NPAS2: variants seen among roughly 807,000 people sequenced by gnomAD.
The protein encoded by NPAS2 is neuronal PAS domain protein 2, also known as neuronal PAS domain-containing protein 2.
Under a neutral mutation model 107.5 loss-of-function variants are expected in NPAS2, and 23 were observed. That is an observed-to-expected ratio of 0.21 (90% CI 0.15 to 0.30). The LOEUF is 0.30. Among genes scored for constraint, NPAS2 ranks in the 10% least tolerant of loss-of-function variants. NPAS2 has a pLI of 1.00. For missense variants in NPAS2, 756 were observed against 1,043.3 expected, an observed-to-expected ratio of 0.72 and a Z score of 3.79; for synonymous variants, 403 against 417.5, an observed-to-expected ratio of 0.97 and a Z score of 0.42.
chr2:100,877,998 G>A (rs1241806902), intron 1 of NPAS2: 1 of 985,298 alleles, frequency 1.0e-6, no homozygotes, highest in East Asian at 1.1e-4. Context: ...GAATTTATCA[G>A]TTACGTGTGG....
At chr2:100,957,509 A>G (rs1350512749) in intron 7 of NPAS2, among the ~76,000 whole-genome samples, 2 of 152,232 alleles carry the variant, frequency 1.3e-5, no homozygotes, top group Non-Finnish European at 2.9e-5. Context: ...CAAATACACA[A>G]TTCCATCTCT....
At chr2:100,956,815 C>T (rs1675597416) in intron 7 of NPAS2, among the ~76,000 whole-genome samples, 1 of 152,174 alleles carries the variant, frequency 6.6e-6, no homozygotes. Flanking sequence ...CATGGCTACC[C>T]GGGATTTGTC....
intron 1 of NPAS2, among the ~76,000 whole-genome samples, chr2:100,882,474 AG>A (rs1159748523): frequency 1.3e-5 from 2 of 152,006 alleles, no homozygotes; most frequent in Non-Finnish European, 2.9e-5. Flanking sequence ...AGCCGGGCGT[AG>A]GTGGTGCATG....
Position 100,965,862 on chromosome 2 carries a change from T to G in NPAS2, c.907+96T>G. The G allele has an allele frequency of 1.3e-6, 1 of 761,686 alleles. No homozygotes were observed. The allele number at this position is 761,686 out of a possible 1,614,324, so 47.2% of individuals were successfully genotyped here. On this transcript the variant is annotated intron_variant, in intron 10 of 20. Transcript: ENST00000335681. The surrounding 1 kb of genome is among the most constrained non-coding windows in gnomAD (Gnocchi z 4.3). ...TGGGACTCCAGAAGCCTCTGCTCGT[T>G]ACCTGGTTTCTTTTTAAGGTGAGGA...
intron 4 of NPAS2, among the ~76,000 whole-genome samples, chr2:100,936,450 G>A (rs1005571990): frequency 3.9e-5 from 6 of 152,148 alleles, no homozygotes; most frequent in African/African-American, 1.4e-4. Context: ...GACAGTGACA[G>A]GTTTCCAGTA....
At chr2:100,975,726 G>A (rs1676946333) in intron 14 of NPAS2, 159 bp downstream of exon 14, 3 of 516,934 alleles carry the variant, frequency 5.8e-6, no homozygotes, top group Admixed American at 4.2e-5. Flanking sequence ...TAATTTAATT[G>A]GCAACTAATT....
chr2:100,918,959 A>G (rs1369377393), intron 2 of NPAS2, among the ~76,000 whole-genome samples: 1 of 152,252 alleles, frequency 6.6e-6, no homozygotes, highest in Non-Finnish European at 1.5e-5. Flanking sequence ...TAGTAGCTGT[A>G]TTCATAATTA....
intron 1 of NPAS2, among the ~76,000 whole-genome samples, chr2:100,883,147 C>G (rs867256807): frequency 1.7e-4 from 26 of 152,144 alleles, no homozygotes; most frequent in Admixed American, 9.8e-4. Context: ...GCAGATGACC[C>G]ACAAGTGTAG....
intron 1 of NPAS2, among the ~76,000 whole-genome samples, chr2:100,899,675 G>A (rs530989010): frequency 1.0e-3 from 159 of 152,144 alleles, no homozygotes; most frequent in Admixed American, 2.0e-3. Context: ...TTAAAAATGC[G>A]GTTTATTTTT....
intron 1 of NPAS2, among the ~76,000 whole-genome samples, chr2:100,903,909 G>T (rs757248019): frequency 2.0e-5 from 3 of 152,166 alleles, no homozygotes; most frequent in Non-Finnish European, 4.4e-5. Flanking sequence ...CCAGGCCTGC[G>T]TGTGGTAGGA....
chr2:100,925,104 G>C, intron 2 of NPAS2, 42 bp from the exon 3 acceptor site: 2 of 1,576,502 alleles, frequency 1.3e-6, no homozygotes, highest in Non-Finnish European at 1.7e-6. Flanking sequence ...AAGCCTTTGT[G>C]ACGTGGAATG....
chr2:100,924,298 C>T (rs73967701), intron 2 of NPAS2, among the ~76,000 whole-genome samples: 1 of 152,344 alleles, frequency 6.6e-6, no homozygotes, highest in African/African-American at 2.4e-5. Flanking sequence ...GTTGTACATT[C>T]TCCAAGTCTA....
At chr2:100,963,055 C>T (rs1474823479) in intron 7 of NPAS2, among the ~76,000 whole-genome samples, 1 of 152,254 alleles carries the variant, frequency 6.6e-6, no homozygotes, top group Non-Finnish European at 1.5e-5. Context: ...CAGATTTTGT[C>T]ACCTGGGCCA....
chr2:100,921,488 T>C (rs1683223631), intron 2 of NPAS2, among the ~76,000 whole-genome samples: 1 of 149,174 alleles, frequency 6.7e-6, no homozygotes, highest in Non-Finnish European at 1.5e-5. Context: ...AAAATCAATA[T>C]CCATGTATAT....
At chr2:100,934,780 G>A (rs767136623) in intron 4 of NPAS2, 113 of 985,282 alleles carry the variant, frequency 1.1e-4, no homozygotes, top group Admixed American at 9.8e-4. Context: ...GAGCTCCCAC[G>A]GTGATGTCAC....
chr2:100,984,339 G>A (rs1199678306), intron 16 of NPAS2: 1 of 152,186 alleles, frequency 6.6e-6, no homozygotes, highest in Non-Finnish European at 1.5e-5. Context: ...ATTCAAGTGT[G>A]AAGAATAAGC....
At chr2:100,910,400 C>A (rs1402990007) in intron 2 of NPAS2, among the ~76,000 whole-genome samples, 1 of 152,134 alleles carries the variant, frequency 6.6e-6, no homozygotes, top group African/African-American at 2.4e-5. Context: ...CAGCTGCTCT[C>A]AGTCACCCCC....
intron 2 of NPAS2, among the ~76,000 whole-genome samples, chr2:100,922,814 C>G (rs1053462865): frequency 1.3e-5 from 2 of 152,224 alleles, no homozygotes; most frequent in Admixed American, 1.3e-4. Context: ...CGGATGGAAA[C>G]AAGCTTGTGT....
intron 15 of NPAS2, among the ~76,000 whole-genome samples, chr2:100,981,117 G>T (rs548866570): frequency 6.6e-6 from 1 of 152,240 alleles, no homozygotes; most frequent in South Asian, 2.1e-4. Context: ...TGCTTCAAAA[G>T]CTATGCTTTC....
Sources: allele counts gnomAD v4.1 joint callset (sites outside exome capture counted in the v4.1 genomes callset), GRCh38; gene constraint gnomAD v4.1.1; non-coding constraint Gnocchi (gnomAD v3.1); transcripts MANE v1.5; gene names NCBI Gene and HGNC (gene_info 2026-07-23, HGNC 2026-07-21).